The following CDH23 variants were observed in gnomAD, a reference collection of about 807,000 sequenced individuals.
The protein encoded by CDH23 is cadherin related 23.
Under a neutral mutation model 317.1 loss-of-function variants are expected in CDH23, and 189 were observed. The observed-to-expected ratio is 0.60, with a 90% CI of 0.53 to 0.67. The LOEUF (loss-of-function observed/expected upper bound fraction) is 0.67. Ranked by LOEUF, CDH23 falls within the 30% of genes least tolerant of loss-of-function variation. CDH23 has a pLI of 0.00. For missense variants in CDH23, 4,401 were observed against 4,592.4 expected, an observed-to-expected ratio of 0.96 and a Z score of 1.20; for synonymous variants, 1,839 against 1,876.8, an observed-to-expected ratio of 0.98 and a Z score of 0.52.
chr10:71,581,557 A>G (rs547502838), intron 9 of CDH23, among the ~76,000 whole-genome samples: 1 of 152,338 alleles, frequency 6.6e-6, no homozygotes, highest in Admixed American at 6.5e-5. Context: ...TTTCCCCATT[A>G]CTAATGACCC....
At chr10:71,656,597 G>C (rs1421851887) in intron 14 of CDH23, among the ~76,000 whole-genome samples, 1 of 152,206 alleles carries the variant, frequency 6.6e-6, no homozygotes, top group East Asian at 1.9e-4. Context: ...CTGGGCAGGG[G>C]CGGGGAGTGC....
At chr10:71,615,722 A>G (rs2132515768) in intron 10 of CDH23, 106 bp downstream of exon 10, 1 of 771,918 alleles carries the variant, frequency 1.3e-6, no homozygotes, top group East Asian at 2.7e-5. Context: ...GTGGCGCCGG[A>G]AGCACTTCGC....
At chr10:71,483,861 C>T (rs1026356129) in intron 3 of CDH23, among the ~76,000 whole-genome samples, 3 of 152,152 alleles carry the variant, frequency 2.0e-5, no homozygotes, top group Middle Eastern at 3.2e-3. Context: ...TGTGTTCACT[C>T]TCCCCCCACA....
At chr10:71,787,389 T>C (rs1175076161) in intron 44 of CDH23, among the ~76,000 whole-genome samples, 4 of 151,206 alleles carry the variant, frequency 2.6e-5, no homozygotes, top group Non-Finnish European at 5.9e-5. Context: ...CCATATTGTG[T>C]AGTGGTGAAG....
Position 71,694,168 on chromosome 10 carries a change from T to C in CDH23, c.2198T>C (p.Leu733Pro). 1 of 1,612,906 alleles carries C rather than the reference T, an allele frequency of 6.2e-7. No homozygotes were observed. Among genetic ancestry groups the C allele is most frequent in the Non-Finnish European group, 8.5e-7 (1 of 1,179,286 alleles). Residue 733 changes from leucine (L) to proline (P), a missense_variant, in exon 21 of 70, where the codon CTG becomes CCG. Transcript: ENST00000224721. ...GCAGGGGAAATCACCACCACGTCTC[T>C]GCTTGACCGAGAGACCAAGTCTGAA... ...ARSGEITTTS[L>P]LDRETKSEYI...
chr10:71,722,062 C>G (rs1255888631), intron 28 of CDH23, among the ~76,000 whole-genome samples: 1 of 152,242 alleles, frequency 6.6e-6, no homozygotes, highest in Non-Finnish European at 1.5e-5. Flanking sequence ...CCATCCCCAT[C>G]TTCTCTGCAG....
Position 71,522,457 on chromosome 10 carries a change from G to C in CDH23, c.429+11245G>C, listed in dbSNP as rs149328438. On this transcript the variant is annotated intron_variant, in intron 6 of 69. Transcript: ENST00000224721. ...GCAGGCAGCCAGCTTCCTCTTGGGG[G>C]CCACTCCCCACACTGGTTAGGAGCA... Among the ~76,000 whole-genome samples, 1,140 of 152,220 alleles carry C rather than the reference G, an allele frequency of 7.5e-3. 20 individuals are homozygous for C. The highest frequency in any genetic ancestry group is 0.031 in the Middle Eastern group (9 of 294).
chr10:71,715,850 C>G, intron 28 of CDH23: 1 of 1,330,664 alleles, frequency 7.5e-7, no homozygotes, highest in Non-Finnish European at 1.0e-6. Flanking sequence ...CCACTGTCTT[C>G]CTGCAGCCTG....
chr10:71,755,483 G>A (rs780960987), intron 38 of CDH23: 36 of 1,599,086 alleles, frequency 2.3e-5, no homozygotes, highest in Non-Finnish European at 2.6e-6. Flanking sequence ...GGGCAGAGAG[G>A]TAGCCAAGGT....
chr10:71,499,518 T>C (rs2095990), intron 3 of CDH23, among the ~76,000 whole-genome samples: 87,862 of 151,312 alleles, frequency 0.58, 25,866 homozygotes, highest in Non-Finnish European at 0.62. Context: ...GCTGATATCA[T>C]GCCATTGCAC....
chr10:71,576,160 A>T (rs2132394453), intron 8 of CDH23, among the ~76,000 whole-genome samples: 1 of 152,286 alleles, frequency 6.6e-6, no homozygotes, highest in Non-Finnish European at 1.5e-5. Flanking sequence ...TCCTCTGCAC[A>T]AGCCTGCACC....
chr10:71,611,145 G>C (rs1222327895), intron 9 of CDH23, among the ~76,000 whole-genome samples: 1 of 152,032 alleles, frequency 6.6e-6, no homozygotes, highest in Non-Finnish European at 1.5e-5. Flanking sequence ...CAGTTTCCAG[G>C]AGAGCAGAGA....
chr10:71,781,670 T>C (rs9416002), intron 41 of CDH23, among the ~76,000 whole-genome samples: 61,926 of 152,108 alleles, frequency 0.41, 13,440 homozygotes, highest in South Asian at 0.51. Context: ...TTTGGGGCCT[T>C]GTGGGGGAGT....
intron 2 of CDH23, among the ~76,000 whole-genome samples, chr10:71,440,577 C>A (rs2095987): frequency 6.6e-6 from 1 of 152,022 alleles, no homozygotes; most frequent in Non-Finnish European, 1.5e-5. Context: ...CTGAGCAAAG[C>A]TATGGCAGCC....
chr10:71,524,273 T>A (rs899495953), intron 6 of CDH23, among the ~76,000 whole-genome samples: 2 of 152,038 alleles, frequency 1.3e-5, no homozygotes, highest in African/African-American at 4.8e-5. Flanking sequence ...ACTCAGCGGA[T>A]TTGTTGCAGG....
At chr10:71,482,546 G>C (rs1028286068) in intron 3 of CDH23, among the ~76,000 whole-genome samples, 1 of 152,216 alleles carries the variant, frequency 6.6e-6, no homozygotes, top group Non-Finnish European at 1.5e-5. Flanking sequence ...CATAGGAATG[G>C]GAGAGGCTGC....
At chr10:71,707,964 C>G (rs1458466870) in intron 26 of CDH23, among the ~76,000 whole-genome samples, 2 of 152,158 alleles carry the variant, frequency 1.3e-5, no homozygotes, top group Admixed American at 1.3e-4. Context: ...CCTTTCTTCC[C>G]TCACCTCCCT....
chr10:71,694,315 C>G (rs1295885077), intron 21 of CDH23, 56 bp downstream of exon 21: 2 of 1,367,238 alleles, frequency 1.5e-6, no homozygotes, highest in South Asian at 1.2e-5. Context: ...GGCTGCTGCT[C>G]CCTGCTTGTA....
At chr10:71,523,347 T>C (rs921456961) in intron 6 of CDH23, among the ~76,000 whole-genome samples, 2 of 152,186 alleles carry the variant, frequency 1.3e-5, no homozygotes, top group African/African-American at 4.8e-5. Flanking sequence ...TAATAAATTC[T>C]TCTAAAGCAT....
Sources: allele counts gnomAD v4.1 joint callset (sites outside exome capture counted in the v4.1 genomes callset), GRCh38; gene constraint gnomAD v4.1.1; transcripts MANE v1.5; gene names NCBI Gene and HGNC (gene_info 2026-07-23, HGNC 2026-07-21).